The following SNRPC variants were observed in gnomAD, a reference collection of about 807,000 sequenced individuals.
SNRPC encodes U1 small nuclear ribonucleoprotein C.
A neutral mutation model predicts 20.0 loss-of-function variants in SNRPC; 5 were observed. That is an observed-to-expected ratio of 0.25 (90% confidence interval 0.13 to 0.53). The LOEUF (loss-of-function observed/expected upper bound fraction) is 0.53, where lower values mean the gene tolerates loss of function less well. SNRPC is among the 20% of genes least tolerant of loss of function. The probability of loss-of-function intolerance (pLI) is 0.96; values close to 1 mark genes in which losing one functional copy is unlikely to be tolerated. For missense variants in SNRPC, 112 were observed against 224.1 expected, an observed-to-expected ratio of 0.50 and a Z score of 3.19; for synonymous variants, 61 against 58.7, an observed-to-expected ratio of 1.04 and a Z score of -0.18.
intron 3 of SNRPC, among the ~76,000 whole-genome samples, chr6:34,765,141 G>C (rs1168719496): frequency 6.6e-6 from 1 of 152,120 alleles, no homozygotes; most frequent in Non-Finnish European, 1.5e-5. Flanking sequence ...CCTCGATACT[G>C]TTGGCATTTA....
chr6:34,764,444 C>T (rs918289387), intron 3 of SNRPC, among the ~76,000 whole-genome samples: 7 of 151,422 alleles, frequency 4.6e-5, no homozygotes, highest in Admixed American at 2.6e-4. Flanking sequence ...CCATTGCATT[C>T]CAGCCTGGGC....
rs1325082513 is a variant in SNRPC at position 34,762,752 on chromosome 6, C to T, written c.160+49C>T. On this transcript the variant is annotated intron_variant, in intron 3 of 5. Coordinates refer to ENST00000244520, the MANE Select transcript of SNRPC (RefSeq NM_003093.3). ...CTGTGGTAAAATGGTCCTATTCTTTCTTATCCCTGTCTCTGGTGTTTTTCA... is the reference window on the plus strand; with the variant it reads ...CTGTGGTAAAATGGTCCTATTCTTTTTTATCCCTGTCTCTGGTGTTTTTCA... The T allele has an allele frequency of 3.2e-6, 3 of 945,182 alleles. No individual in the cohort carries two copies. In the Admixed American group the frequency reaches 5.6e-5, roughly 18 times the overall value. The allele number at this position is 945,182 out of a possible 1,614,324, so 58.5% of individuals were successfully genotyped here. A position where few individuals can be genotyped will look rare whatever the true frequency, so the allele number is the denominator to read the frequency against.
chr6:34,770,096 C>A (rs956305637), intron 4 of SNRPC, among the ~76,000 whole-genome samples, 195 bp from the exon 5 acceptor site: 2 of 152,210 alleles, frequency 1.3e-5, no homozygotes, highest in Non-Finnish European at 2.9e-5. Flanking sequence ...GTGGCACATG[C>A]CTGTAATCTC....
chr6:34,764,208 G>T (rs1764583089), intron 3 of SNRPC, among the ~76,000 whole-genome samples: 1 of 151,582 alleles, frequency 6.6e-6, no homozygotes, highest in Non-Finnish European at 1.5e-5. Flanking sequence ...GGCCGGGCGT[G>T]GTGGCTCACG....
chr6:34,771,576 C>G (rs1764691858), intron 5 of SNRPC, among the ~76,000 whole-genome samples: 2 of 152,078 alleles, frequency 1.3e-5, no homozygotes. Context: ...TTCATAGAAG[C>G]TATTCTCTTT....
chr6:34,767,547 G>A (rs973211878), intron 3 of SNRPC, among the ~76,000 whole-genome samples: 15 of 152,202 alleles, frequency 9.9e-5, no homozygotes, highest in African/African-American at 3.1e-4. Context: ...CCGGGAGGTC[G>A]AAGCTGCTGT....
intron 1 of SNRPC, 116 bp from the exon 2 acceptor site, chr6:34,757,796 C>CG: frequency 6.3e-7 from 1 of 1,597,770 alleles, no homozygotes; most frequent in South Asian, 1.1e-5. Flanking sequence ...AGTCGTGAGG[C>CG]GGTCTGGCTT....
rs1764711104 is a variant in SNRPC, at chr6:34,773,217, A to T, written c.356-229A>T. Among the ~76,000 whole-genome samples the T allele has an allele frequency of 6.6e-6, 1 of 152,212 alleles. No individual in the cohort carries two copies. The highest frequency in any genetic ancestry group is 1.5e-5 in the Non-Finnish European group (1 of 68,034). ...GTTTCCCCCTTACTATCATTAGATC[A>T]TGATTCCCATATGGTTCTTGTGTTG... is the stretch of plus-strand genomic sequence containing the variant. On this transcript the variant is annotated intron_variant, in intron 5 of 5. Coordinates refer to ENST00000244520, the MANE Select transcript of SNRPC (RefSeq NM_003093.3). This position sits in a 1 kb window ranked among gnomAD's most constrained non-coding sequence, Gnocchi z 4.1.
intron 4 of SNRPC, 33 bp downstream of exon 4, chr6:34,768,030 A>C: frequency 6.3e-7 from 1 of 1,587,114 alleles, no homozygotes; most frequent in South Asian, 1.2e-5. Context: ...AAGGGGTGTG[A>C]CGGGGCAGGC....
intron 5 of SNRPC, 84 bp downstream of exon 5, chr6:34,770,479 T>A (rs1764672773): frequency 8.2e-6 from 7 of 858,728 alleles, no homozygotes; most frequent in Non-Finnish European, 1.3e-5. Flanking sequence ...AGGAAGTCAG[T>A]ATGTGTAGCC....
chr6:34,769,376 A>G (rs920711028), intron 4 of SNRPC, among the ~76,000 whole-genome samples: 3 of 151,750 alleles, frequency 2.0e-5, no homozygotes, highest in Non-Finnish European at 4.4e-5. Flanking sequence ...TATTTTTAGT[A>G]GAGATGGGGT....
intron 2 of SNRPC, 54 bp downstream of exon 2, chr6:34,758,008 T>C: frequency 1.3e-6 from 2 of 1,564,016 alleles, no homozygotes; most frequent in Non-Finnish European, 1.7e-6. Flanking sequence ...AATAATTAAA[T>C]GAGTTTTGTG....
intron 3 of SNRPC, among the ~76,000 whole-genome samples, chr6:34,763,746 C>T (rs868636494): frequency 7.3e-5 from 11 of 150,712 alleles, no homozygotes; most frequent in African/African-American, 2.7e-4. Flanking sequence ...TTGAGACAGT[C>T]TCACTCTGTC....
chr6:34,764,650 G>A (rs1581591024), intron 3 of SNRPC, among the ~76,000 whole-genome samples: 1 of 150,754 alleles, frequency 6.6e-6, no homozygotes, highest in South Asian at 2.1e-4. Flanking sequence ...GTGACAGAGT[G>A]AGACTCCATC....
chr6:34,764,350 C>T (rs989566660), intron 3 of SNRPC, among the ~76,000 whole-genome samples: 1 of 152,032 alleles, frequency 6.6e-6, no homozygotes, highest in African/African-American at 2.4e-5. Context: ...GTGGTGCATG[C>T]CTGTAATCCC....
chr6:34,757,641 C>A, intron 1 of SNRPC, 90 bp downstream of exon 1: 1 of 1,443,252 alleles, frequency 6.9e-7, no homozygotes, highest in South Asian at 1.2e-5. Context: ...TTTCTGAAAC[C>A]TCGAGGGATG....
chr6:34,772,920 C>G (rs1764707694), intron 5 of SNRPC: 1 of 152,216 alleles, frequency 6.6e-6, no homozygotes, highest in Non-Finnish European at 1.5e-5. Context: ...TATTATTTTT[C>G]TTGACTTGAG....
rs1223913043 is a variant in SNRPC at position 34,773,020 on chromosome 6, T to C, written c.356-426T>C. On this transcript the variant is annotated intron_variant, in intron 5 of 5. Coordinates refer to ENST00000244520, the MANE Select transcript of SNRPC (RefSeq NM_003093.3). The surrounding 1 kb of genome is among the most constrained non-coding windows in gnomAD (Gnocchi z 4.1). ...CAAACGCTTAGTGGTAAGATTGTCC[T>C]CTGTGCCTGTGTACATTCATGAAAT... 6.2e-6 allele frequency: 1 copy of C among 161,004 alleles called. No individual in the cohort carries two copies. Among genetic ancestry groups the C allele is most frequent in the East Asian group, 1.7e-4 (1 of 5,822 alleles). The allele number at this position is 161,004 out of a possible 1,614,324, so 10.0% of individuals were successfully genotyped here.
intron 3 of SNRPC, among the ~76,000 whole-genome samples, chr6:34,764,278 G>A (rs548578679): frequency 1.1e-4 from 17 of 151,568 alleles, no homozygotes; most frequent in African/African-American, 2.9e-4. Context: ...TCAGGAGTTC[G>A]AAACCAGCCT....
Sources: allele counts gnomAD v4.1 joint callset (sites outside exome capture counted in the v4.1 genomes callset), GRCh38; gene constraint gnomAD v4.1.1; non-coding constraint Gnocchi (gnomAD v3.1); transcripts MANE v1.5; gene names NCBI Gene and HGNC (gene_info 2026-07-23, HGNC 2026-07-21).